The following DOCK7 variants were observed in gnomAD, a reference collection of about 807,000 sequenced individuals.
The protein encoded by DOCK7 is dedicator of cytokinesis protein 7.
In DOCK7, 138 loss-of-function variants were observed where a neutral mutation model predicts 271.0. The observed-to-expected ratio is 0.51, with a 90% CI of 0.44 to 0.59. The LOEUF is 0.59. Ranked by LOEUF, DOCK7 falls within the 20% of genes least tolerant of loss-of-function variation. The pLI is 0.00. For synonymous variants in DOCK7, 823 were observed against 876.1 expected, an observed-to-expected ratio of 0.94 and a Z score of 1.07; for missense variants, 2,066 against 2,592.4, an observed-to-expected ratio of 0.80 and a Z score of 4.41.
chr1:62,584,738 G>A, intron 15 of DOCK7: 1 of 915,964 alleles, frequency 1.1e-6, no homozygotes, highest in Non-Finnish European at 1.8e-6. Flanking sequence ...TGCCCTCAAG[G>A]AGCTCACAAT....
At chr1:62,477,553 G>T in intron 44 of DOCK7, 147 bp downstream of exon 44, 1 of 744,370 alleles carries the variant, frequency 1.3e-6, no homozygotes, top group South Asian at 3.3e-5. Flanking sequence ...GAGTATTATT[G>T]TAACTATTAA....
intron 37 of DOCK7, among the ~76,000 whole-genome samples, chr1:62,500,816 G>A (rs949391548): frequency 6.6e-6 from 1 of 152,018 alleles, no homozygotes; most frequent in African/African-American, 2.4e-5. Context: ...CAAAGTATAA[G>A]GCAAAGATTT....
chr1:62,489,826 T>C (rs1646407315), intron 41 of DOCK7, among the ~76,000 whole-genome samples: 1 of 152,138 alleles, frequency 6.6e-6, no homozygotes, highest in African/African-American at 2.4e-5. Context: ...TCTCCTATAA[T>C]AGCATCCTGG....
At chr1:62,460,632 CA>C (rs1645495627) in intron 48 of DOCK7, among the ~76,000 whole-genome samples, 7 of 150,598 alleles carry the variant, frequency 4.6e-5, no homozygotes, top group Admixed American at 1.3e-4. Flanking sequence ...CACACACACA[CA>C]CACACACCCT....
intron 1 of DOCK7, among the ~76,000 whole-genome samples, chr1:62,680,631 T>C (rs952167553): frequency 2.0e-5 from 3 of 152,004 alleles, no homozygotes; most frequent in South Asian, 2.1e-4. Context: ...ATTTTTGCAA[T>C]CTACTCATCT....
intron 31 of DOCK7, chr1:62,516,744 T>C (rs1379275697): frequency 6.6e-6 from 1 of 152,280 alleles, no homozygotes; most frequent in Non-Finnish European, 1.5e-5. Flanking sequence ...GAAGGCTTCA[T>C]TCATGACTCG....
At chr1:62,633,145 TATAA>T (rs1654829766) in intron 10 of DOCK7, among the ~76,000 whole-genome samples, 1 of 152,332 alleles carries the variant, frequency 6.6e-6, no homozygotes, top group Non-Finnish European at 1.5e-5. Flanking sequence ...ATCACTATTT[TATAA>T]ATAAAGAAAA....
chr1:62,553,772 G>A (rs1646035997), intron 21 of DOCK7, among the ~76,000 whole-genome samples: 1 of 149,818 alleles, frequency 6.7e-6, no homozygotes, highest in African/African-American at 2.4e-5. Flanking sequence ...TATCTCTTCA[G>A]TATTTCTATA....
chr1:62,661,881 T>C (rs757347580), intron 2 of DOCK7, among the ~76,000 whole-genome samples: 3 of 152,176 alleles, frequency 2.0e-5, no homozygotes, highest in Non-Finnish European at 2.9e-5. Context: ...ATAATATCAC[T>C]GGAAGAGAGG....
At chr1:62,636,696 T>G (rs1045519114) in intron 7 of DOCK7, 93 bp from the exon 8 acceptor site, 4 of 1,101,650 alleles carry the variant, frequency 3.6e-6, no homozygotes, top group Non-Finnish European at 5.2e-6. Context: ...ATCACAATAC[T>G]TGGCAGTTTT....
At chr1:62,584,617 T>A in intron 15 of DOCK7, 2 of 1,285,296 alleles carry the variant, frequency 1.6e-6, no homozygotes, top group East Asian at 6.3e-5. Context: ...TGTTCCTTTT[T>A]TGACCATTTG....
intron 31 of DOCK7, 113 bp from the exon 32 acceptor site, chr1:62,514,011 T>C: frequency 1.1e-6 from 1 of 939,370 alleles, no homozygotes; most frequent in East Asian, 2.6e-5. Flanking sequence ...TTAAAAATAA[T>C]ATAATTAAAA....
At chr1:62,543,947 T>A (rs1289459822) in intron 23 of DOCK7, among the ~76,000 whole-genome samples, 1 of 152,200 alleles carries the variant, frequency 6.6e-6, no homozygotes, top group African/African-American at 2.4e-5. Context: ...CTTCTATATA[T>A]TTTTGGTCTT....
At chr1:62,611,541 G>T (rs572184056) in intron 14 of DOCK7, among the ~76,000 whole-genome samples, 4 of 152,188 alleles carry the variant, frequency 2.6e-5, no homozygotes, top group Admixed American at 2.0e-4. Flanking sequence ...TCAAAAAAGG[G>T]TATCACAGGA....
In DOCK7 at chr1:62,554,671, C is replaced by T. The variant is rs142124401; in HGVS notation, c.2596+1154G>A. On this transcript the variant is annotated intron_variant, in intron 21 of 49. Coordinates refer to ENST00000635253, the MANE Select transcript of DOCK7 (RefSeq NM_001367561.1). ...ATACCTGTTGCCTAATTAATTCATA[C>T]AATCTTTCAGGTCAGCATGTAAAAA... 9.9e-5 allele frequency among the ~76,000 whole-genome samples: 15 copies of T among 152,110 alleles called. No individual in the cohort carries two copies. In the East Asian group the frequency reaches 2.9e-3, roughly 29 times the overall value.
At chr1:62,503,581 G>A (rs909026799) in intron 37 of DOCK7, among the ~76,000 whole-genome samples, 11 of 151,872 alleles carry the variant, frequency 7.2e-5, no homozygotes, top group African/African-American at 2.4e-4. Context: ...TGCGACCACA[G>A]GCACAGGCCA....
chr1:62,595,832 G>A (rs1372858279), intron 14 of DOCK7, among the ~76,000 whole-genome samples: 2 of 152,120 alleles, frequency 1.3e-5, no homozygotes, highest in Admixed American at 6.5e-5. Context: ...GGGAGACAGA[G>A]GGAGGAGGCT....
chr1:62,667,722 TAAATAAATAAATA>T (rs1465723193), intron 1 of DOCK7, among the ~76,000 whole-genome samples: 1 of 151,166 alleles, frequency 6.6e-6, no homozygotes, highest in East Asian at 2.0e-4. Context: ...ATTTCAAAAA[TAAATAAATAAATA>T]GGCCGGGCGC....
At chr1:62,596,636 T>A (rs576851908) in intron 14 of DOCK7, among the ~76,000 whole-genome samples, 1 of 152,148 alleles carries the variant, frequency 6.6e-6, no homozygotes, top group African/African-American at 2.4e-5. Flanking sequence ...CATTAAGACA[T>A]CATCTTTAAA....
Sources: allele counts gnomAD v4.1 joint callset (sites outside exome capture counted in the v4.1 genomes callset), GRCh38; gene constraint gnomAD v4.1.1; transcripts MANE v1.5; gene names NCBI Gene and HGNC (gene_info 2026-07-23, HGNC 2026-07-21).